LMAN2L: variants seen among roughly 807,000 people sequenced by gnomAD.
The protein encoded by LMAN2L is lectin, mannose binding 2 like.
Under a neutral mutation model 44.3 loss-of-function variants are expected in LMAN2L, and 30 were observed. The ratio of observed to expected loss-of-function variants is 0.68; its 90% confidence interval spans 0.51 to 0.92. The LOEUF is 0.92. Among genes scored for constraint, LMAN2L ranks in the 40% least tolerant of loss-of-function variants. The pLI, the probability that LMAN2L is intolerant of heterozygous loss-of-function variation, is 0.00. For missense variants in LMAN2L, 429 were observed against 446.1 expected, an observed-to-expected ratio of 0.96 and a Z score of 0.35; for synonymous variants, 183 against 171.1, an observed-to-expected ratio of 1.07 and a Z score of -0.54.
chr2:96,706,828 A>G lies in LMAN2L; in HGVS notation c.*428T>C, dbSNP rs2077792056. The G allele has an allele frequency of 1.3e-5, 2 of 152,788 alleles. No homozygotes were observed. 9.5% of individuals were successfully genotyped at this position (152,788 alleles called of 1,614,324 possible). ...AGGGTTGGGTCAAATGCAAAACCCA[A>G]CGAATGGATGGTCAGAAAGCCTGTG... On this transcript the variant is annotated 3_prime_UTR_variant, in exon 8 of 8. Transcript: ENST00000264963.
rs565092881 is a variant in LMAN2L, at chr2:96,733,406, C to G, written c.507+113G>C. On this transcript the variant is annotated intron_variant, in intron 4 of 7. Coordinates refer to ENST00000264963, the MANE Select transcript of LMAN2L (RefSeq NM_030805.4). ...AAGGACATTAACTTTCAAAGTTCAA[C>G]AGATGAAGAACCCCTCACTTTCTAT... 6.7e-6 allele frequency: 5 copies of G among 750,280 alleles called. No homozygotes were observed. The Admixed American group carries it at 1.1e-4, about 16-fold the overall frequency. 46.5% of individuals were successfully genotyped at this position (750,280 alleles called of 1,614,324 possible).
At chr2:96,724,053 C>T (rs867213176) in intron 4 of LMAN2L, among the ~76,000 whole-genome samples, 105 of 151,262 alleles carry the variant, frequency 6.9e-4, no homozygotes, top group African/African-American at 2.4e-3. Flanking sequence ...GAGCCGAGAT[C>T]GTGCCACTGC....
chr2:96,721,270 G>A (rs141693649), intron 4 of LMAN2L, among the ~76,000 whole-genome samples: 42 of 149,110 alleles, frequency 2.8e-4, no homozygotes, highest in African/African-American at 9.1e-4. Flanking sequence ...ACTTAGCATA[G>A]TGTTTTCATG....
chr2:96,723,999 T>A (rs1041771245), intron 4 of LMAN2L, among the ~76,000 whole-genome samples: 4 of 151,052 alleles, frequency 2.6e-5, no homozygotes. Flanking sequence ...CTCGGGAGGC[T>A]GAGGCAGGAG....
At chr2:96,719,745 G>A (rs898574067) in intron 4 of LMAN2L, among the ~76,000 whole-genome samples, 1 of 152,104 alleles carries the variant, frequency 6.6e-6, no homozygotes, top group Non-Finnish European at 1.5e-5. Context: ...ATAGGCATGC[G>A]CCATATCCCA....
intron 6 of LMAN2L, among the ~76,000 whole-genome samples, chr2:96,709,068 C>A (rs556552083): frequency 1.3e-5 from 2 of 151,896 alleles, no homozygotes; most frequent in African/African-American, 2.4e-5. Context: ...GCATGCACCA[C>A]CACGCCCGGC....
rs140996150 is a variant in LMAN2L, at chr2:96,717,201, C to T, written c.508-5176G>A. Among the ~76,000 whole-genome samples, 135 of 151,962 alleles carry T rather than the reference C, an allele frequency of 8.9e-4. 1 individual carries two copies. The East Asian group carries it at 0.025, about 28-fold the overall frequency. On this transcript the variant is annotated intron_variant, in intron 4 of 7. Coordinates refer to ENST00000264963, the MANE Select transcript of LMAN2L (RefSeq NM_030805.4). ...AAAGACACACAAGCACAAACATACACGCAAGACACATACACACAGACACAC... is the reference window on the plus strand; with the variant it reads ...AAAGACACACAAGCACAAACATACATGCAAGACACATACACACAGACACAC...
At chr2:96,730,876 T>TGTTGG (rs2078379926) in intron 4 of LMAN2L, among the ~76,000 whole-genome samples, 1 of 152,216 alleles carries the variant, frequency 6.6e-6, no homozygotes, top group African/African-American at 2.4e-5. Context: ...GGTTTCGCCA[T>TGTTGG]GTTGGCCAGG....
At chr2:96,728,303 C>T (rs1242891947) in intron 4 of LMAN2L, among the ~76,000 whole-genome samples, 3 of 151,898 alleles carry the variant, frequency 2.0e-5, no homozygotes, top group Non-Finnish European at 4.4e-5. Flanking sequence ...TCGAGACCAT[C>T]CTGGCCAACA....
chr2:96,713,266 C>T (rs1210394008), intron 4 of LMAN2L: 2 of 754,496 alleles, frequency 2.7e-6, no homozygotes, highest in Non-Finnish European at 4.3e-6. Context: ...CAACTTAAAT[C>T]CCCAAACAGA....
chr2:96,732,856 C>A (rs2078434250), intron 4 of LMAN2L, among the ~76,000 whole-genome samples: 1 of 147,354 alleles, frequency 6.8e-6, no homozygotes, highest in Non-Finnish European at 1.5e-5. Flanking sequence ...TGGTGTGATT[C>A]TCTTGCCTCA....
intron 3 of LMAN2L, 58 bp from the exon 4 acceptor site, chr2:96,733,659 T>C: frequency 7.4e-7 from 1 of 1,356,580 alleles, no homozygotes; most frequent in Non-Finnish European, 1.1e-6. Context: ...GATAAAGGAA[T>C]AATATATCAC....
chr2:96,722,203 C>T (rs560451264), intron 4 of LMAN2L, among the ~76,000 whole-genome samples: 8 of 150,914 alleles, frequency 5.3e-5, no homozygotes, highest in Non-Finnish European at 7.4e-5. Context: ...CTCCTGACCT[C>T]GTGATCCGCC....
intron 4 of LMAN2L, among the ~76,000 whole-genome samples, chr2:96,723,558 T>C (rs2078203983): frequency 6.6e-6 from 1 of 152,238 alleles, no homozygotes. Context: ...TTTTCTTTCG[T>C]TGCTTTTTCT....
intron 4 of LMAN2L, among the ~76,000 whole-genome samples, chr2:96,724,829 TTTTA>T (rs992592931): frequency 6.6e-5 from 10 of 151,012 alleles, no homozygotes; most frequent in South Asian, 2.1e-4. Context: ...TTATTTTTAT[TTTTA>T]TTTATTTATT....
At chr2:96,725,422 CA>C (rs2078249150) in intron 4 of LMAN2L, among the ~76,000 whole-genome samples, 2 of 151,154 alleles carry the variant, frequency 1.3e-5, no homozygotes, top group South Asian at 4.2e-4. Flanking sequence ...TTGTAGTTGT[CA>C]AAGTTTTTCT....
chr2:96,717,683 T>C (rs918465768), intron 4 of LMAN2L, among the ~76,000 whole-genome samples: 1 of 150,956 alleles, frequency 6.6e-6, no homozygotes, highest in Non-Finnish European at 1.5e-5. Context: ...CTATTAAAAA[T>C]ACAAAATTAG....
At chr2:96,716,280 G>A (rs1224521798) in intron 4 of LMAN2L, among the ~76,000 whole-genome samples, 1 of 152,148 alleles carries the variant, frequency 6.6e-6, no homozygotes, top group African/African-American at 2.4e-5. Flanking sequence ...ACCAAAAGAT[G>A]AGAGAGAACA....
intron 4 of LMAN2L, among the ~76,000 whole-genome samples, chr2:96,719,262 A>G (rs1449933491): frequency 6.6e-6 from 1 of 152,184 alleles, no homozygotes; most frequent in Non-Finnish European, 1.5e-5. Context: ...TCTTGGGTCC[A>G]ACACTTTAAT....
Sources: gnomAD v4.1 joint callset for allele counts (sites outside exome capture counted in the v4.1 genomes callset) on GRCh38, gnomAD v4.1.1 for gene constraint, MANE v1.5 for transcripts, NCBI Gene and HGNC (gene_info 2026-07-23, HGNC 2026-07-21) for gene names.